HSD17B12: variants seen among roughly 807,000 people sequenced by gnomAD.
HSD17B12 encodes the protein hydroxysteroid 17-beta dehydrogenase 12, also known as very-long-chain 3-oxoacyl-CoA reductase.
Under a neutral mutation model 39.3 loss-of-function variants are expected in HSD17B12, and 32 were observed. The ratio of observed to expected loss-of-function variants is 0.81; its 90% CI spans 0.61 to 1.09. The LOEUF (loss-of-function observed/expected upper bound fraction) is 1.09. Ranked by LOEUF, HSD17B12 falls within the 50% of genes least tolerant of loss-of-function variation. The pLI, the probability that HSD17B12 is intolerant of heterozygous loss-of-function variation, is 0.00. For synonymous variants in HSD17B12, 150 were observed against 146.7 expected, an observed-to-expected ratio of 1.02 and a Z score of -0.16; for missense variants, 342 against 382.9, an observed-to-expected ratio of 0.89 and a Z score of 0.89.
At chr11:43,751,697 A>T (rs938915193) in intron 2 of HSD17B12, among the ~76,000 whole-genome samples, 1 of 152,238 alleles carries the variant, frequency 6.6e-6, no homozygotes, top group Non-Finnish European at 1.5e-5. Flanking sequence ...AGAATATAAC[A>T]AACACCTGTA....
At chr11:43,621,004 T>A in the HSD17B12 span, among the ~76,000 whole-genome samples, 1 of 152,146 alleles carries the variant, frequency 6.6e-6, no homozygotes, top group African/African-American at 2.4e-5. Flanking sequence ...ATGCACAATA[T>A]CAAGTTAATT....
chr11:43,792,087 A>G (rs1214477404), intron 3 of HSD17B12, among the ~76,000 whole-genome samples: 2 of 152,212 alleles, frequency 1.3e-5, no homozygotes, highest in Non-Finnish European at 2.9e-5. Flanking sequence ...CCTTTTCCAA[A>G]GTCATGTAAG....
intron 1 of HSD17B12, among the ~76,000 whole-genome samples, chr11:43,703,085 G>A (rs550234796): frequency 3.9e-5 from 6 of 151,974 alleles, no homozygotes; most frequent in Non-Finnish European, 7.4e-5. Flanking sequence ...AAGTAATACT[G>A]GCCTCATAGA....
the HSD17B12 span, chr11:43,570,224 AC>A: frequency 5.2e-5 from 8 of 152,422 alleles, no homozygotes; most frequent in African/African-American, 1.9e-4. Flanking sequence ...GACTAGAAAT[AC>A]CTTGCTCCCA....
At chr11:43,686,697 T>C (rs1034604523) in intron 1 of HSD17B12, among the ~76,000 whole-genome samples, 2 of 151,752 alleles carry the variant, frequency 1.3e-5, no homozygotes, top group African/African-American at 4.8e-5. Context: ...ACTTGAATTC[T>C]AGCTTCCCTA....
chr11:43,616,147 C>T, the HSD17B12 span, among the ~76,000 whole-genome samples: 1 of 152,148 alleles, frequency 6.6e-6, no homozygotes, highest in East Asian at 1.9e-4. Flanking sequence ...GTGGCTCACA[C>T]CTGTAATACC....
intron 4 of HSD17B12, among the ~76,000 whole-genome samples, chr11:43,806,727 G>A (rs1951021858): frequency 6.6e-6 from 1 of 152,112 alleles, no homozygotes; most frequent in South Asian, 2.1e-4. Flanking sequence ...TTATTAATGG[G>A]TACAAATGTA....
the HSD17B12 span, among the ~76,000 whole-genome samples, chr11:43,664,145 G>A: frequency 6.6e-5 from 10 of 152,128 alleles, no homozygotes; most frequent in African/African-American, 1.7e-4. Context: ...CACTATGCCC[G>A]GCCCAGGTAA....
At chr11:43,648,750 CAG>C in the HSD17B12 span, among the ~76,000 whole-genome samples, 47,854 of 151,868 alleles carry the variant, frequency 0.32, 7,746 homozygotes, top group African/African-American at 0.36. Flanking sequence ...TGTTTTGAGA[CAG>C]AGTCTCACTC....
At chr11:43,729,151 A>G (rs1950246762) in intron 1 of HSD17B12, among the ~76,000 whole-genome samples, 1 of 152,172 alleles carries the variant, frequency 6.6e-6, no homozygotes, top group Non-Finnish European at 1.5e-5. Context: ...GCAACTTAGT[A>G]AGGGCCAGCA....
At chr11:43,840,734 C>T (rs1951417535) in intron 9 of HSD17B12, among the ~76,000 whole-genome samples, 1 of 152,122 alleles carries the variant, frequency 6.6e-6, no homozygotes, top group African/African-American at 2.4e-5. Context: ...GAATAAAATG[C>T]CATTGTATAT....
intron 1 of HSD17B12, among the ~76,000 whole-genome samples, chr11:43,682,385 T>C (rs186239780): frequency 7.9e-4 from 121 of 152,222 alleles, no homozygotes; most frequent in African/African-American, 2.9e-3. Context: ...ACCCCGTCTG[T>C]ACTAAAAATA....
chr11:43,629,893 T>C, the HSD17B12 span, among the ~76,000 whole-genome samples: 1 of 152,230 alleles, frequency 6.6e-6, no homozygotes, highest in Non-Finnish European at 1.5e-5. Flanking sequence ...CCAAACAACA[T>C]GTGTTTGTTT....
chr11:43,840,347 G>A (rs1375603552), intron 9 of HSD17B12, among the ~76,000 whole-genome samples: 1 of 152,058 alleles, frequency 6.6e-6, no homozygotes. Context: ...TTGAGAGACC[G>A]AGACTATCGG....
chr11:43,853,965 T>C (rs1951557991), intron 9 of HSD17B12: 1 of 152,230 alleles, frequency 6.6e-6, no homozygotes, highest in Non-Finnish European at 1.5e-5. Context: ...TTATACTCTG[T>C]GTTGAATCAC....
chr11:43,658,742 G>A, the HSD17B12 span, among the ~76,000 whole-genome samples: 68 of 152,258 alleles, frequency 4.5e-4, no homozygotes, highest in African/African-American at 1.6e-3. Context: ...CTGCCTGATC[G>A]TTCCTCTGGA....
chr11:43,844,500 A>C (rs1015705091), intron 9 of HSD17B12, among the ~76,000 whole-genome samples: 3 of 152,172 alleles, frequency 2.0e-5, no homozygotes, highest in African/African-American at 7.2e-5. Flanking sequence ...AAACCTTATC[A>C]TAAGTGTAGT....
At chr11:43,734,820 CA>C (rs1248334774) in intron 1 of HSD17B12, among the ~76,000 whole-genome samples, 9 of 152,212 alleles carry the variant, frequency 5.9e-5, no homozygotes, top group Non-Finnish European at 1.2e-4. Flanking sequence ...GTGTACGATT[CA>C]GGGGGCTTTA....
chr11:43,824,062 C>G (rs1407479568), intron 6 of HSD17B12, among the ~76,000 whole-genome samples: 1 of 152,106 alleles, frequency 6.6e-6, no homozygotes, highest in Non-Finnish European at 1.5e-5. Flanking sequence ...TCTAACTTCT[C>G]TTGGGAAAAA....
Sources: allele counts gnomAD v4.1 joint callset (sites outside exome capture counted in the v4.1 genomes callset), GRCh38; gene constraint gnomAD v4.1.1; transcripts MANE v1.5; gene names NCBI Gene and HGNC (gene_info 2026-07-23, HGNC 2026-07-21).